TMEM132D: variants seen among roughly 807,000 people sequenced by gnomAD.
TMEM132D encodes transmembrane protein 132D.
TMEM132D carries 21 observed loss-of-function variants against 62.3 expected under a neutral mutation model. The observed-to-expected ratio is 0.34, with a 90% CI of 0.24 to 0.49. TMEM132D has a LOEUF of 0.49. Ranked by LOEUF, TMEM132D falls within the 20% of genes least tolerant of loss-of-function variation. The pLI is 0.99. For missense variants in TMEM132D, 1,346 were observed against 1,402.8 expected (o/e 0.96, Z 0.65); for synonymous variants, 621 against 575.6 (o/e 1.08, Z -1.13).
intron 7 of TMEM132D, among the ~76,000 whole-genome samples, chr12:129,080,453 C>T (rs1356294114): frequency 1.3e-5 from 2 of 152,188 alleles, no homozygotes. Flanking sequence ...GCATGCGACT[C>T]CTGGTCTACG....
chr12:129,655,985 TCAA>T, intron 2 of TMEM132D, among the ~76,000 whole-genome samples: 1 of 152,168 alleles, frequency 6.6e-6, no homozygotes. Flanking sequence ...CTTCCAGGCG[TCAA>T]CGTTACTAGA....
intron 5 of TMEM132D, among the ~76,000 whole-genome samples, chr12:129,122,089 T>C (rs1165837305): frequency 6.6e-6 from 1 of 152,208 alleles, no homozygotes; most frequent in Non-Finnish European, 1.5e-5. Context: ...TGCAGAGCGA[T>C]GCTGGGTGAC....
At chr12:129,250,546 C>A (rs1880237800) in intron 4 of TMEM132D, among the ~76,000 whole-genome samples, 1 of 152,190 alleles carries the variant, frequency 6.6e-6, no homozygotes, top group Middle Eastern at 3.2e-3. Flanking sequence ...AACCAGAACA[C>A]CCCTGTGCGT....
intron 4 of TMEM132D, among the ~76,000 whole-genome samples, chr12:129,260,129 G>T (rs1456671282): frequency 2.0e-5 from 3 of 152,150 alleles, no homozygotes; most frequent in Non-Finnish European, 4.4e-5. Flanking sequence ...ACAGAGGCTT[G>T]GGACACTCTA....
At chr12:129,330,077 A>G (rs749506807) in intron 4 of TMEM132D, among the ~76,000 whole-genome samples, 16 of 152,174 alleles carry the variant, frequency 1.1e-4, no homozygotes, top group Non-Finnish European at 1.9e-4. Flanking sequence ...AATCGAGAAG[A>G]TTTAGGAAGA....
intron 1 of TMEM132D, among the ~76,000 whole-genome samples, chr12:129,838,795 T>A (rs555410710): frequency 6.6e-6 from 1 of 152,256 alleles, no homozygotes; most frequent in East Asian, 1.9e-4. Flanking sequence ...ATTAAAAGAC[T>A]AATGAGATAT....
chr12:129,321,562 C>G (rs145285623), intron 4 of TMEM132D, among the ~76,000 whole-genome samples: 343 of 145,912 alleles, frequency 2.4e-3, no homozygotes, highest in African/African-American at 7.9e-3. Context: ...CAGATCTTTT[C>G]TTTTTTTTTT....
intron 4 of TMEM132D, among the ~76,000 whole-genome samples, chr12:129,241,143 C>T (rs10744406): frequency 0.44 from 59,908 of 135,480 alleles, 13,448 homozygotes; most frequent in Admixed American, 0.5. Flanking sequence ...CTTCAGCCCT[C>T]TTACCTCAAA....
chr12:129,466,821 G>A (rs1174065944), intron 3 of TMEM132D, among the ~76,000 whole-genome samples: 3 of 152,032 alleles, frequency 2.0e-5, no homozygotes, highest in African/African-American at 7.2e-5. Flanking sequence ...GCTTGTTTCC[G>A]GAGCTCATCT....
intron 2 of TMEM132D, among the ~76,000 whole-genome samples, chr12:129,609,760 C>G (rs1421429802): frequency 6.6e-6 from 1 of 152,204 alleles, no homozygotes; most frequent in African/African-American, 2.4e-5. Context: ...CTGTATGCTG[C>G]CCTGGACAGC....
chr12:129,484,023 G>A (rs1874507947), intron 3 of TMEM132D, among the ~76,000 whole-genome samples: 1 of 152,082 alleles, frequency 6.6e-6, no homozygotes, highest in Non-Finnish European at 1.5e-5. Flanking sequence ...AGGCTGGAGT[G>A]CCATGGCGTG....
At chr12:129,082,515 A>G (rs1874486891) in intron 6 of TMEM132D, among the ~76,000 whole-genome samples, 1 of 152,170 alleles carries the variant, frequency 6.6e-6, no homozygotes, top group Non-Finnish European at 1.5e-5. Context: ...CCCAGCTAGA[A>G]GCTGAGAGTG....
rs1875166706 is a variant in TMEM132D, at chr12:129,897,116, T to G, written c.79+6145A>C. On this transcript the variant is annotated intron_variant, in intron 1 of 8. Coordinates refer to ENST00000422113, the MANE Select transcript of TMEM132D (RefSeq NM_133448.3). ...CCTTAATTCTTCCTACAGCAGATTT[T>G]TCTTTTAAATAAATGACAAAGTCAT... is the stretch of plus-strand genomic sequence containing the variant. Among the ~76,000 whole-genome samples, 3 of 152,228 alleles carry G rather than the reference T, an allele frequency of 2.0e-5. No homozygotes were observed. In the South Asian group the frequency reaches 6.2e-4, roughly 32 times the overall value.
intron 3 of TMEM132D, among the ~76,000 whole-genome samples, chr12:129,513,848 ATTTT>A (rs563785171): frequency 1.4e-4 from 16 of 112,780 alleles, no homozygotes; most frequent in African/African-American, 3.1e-4. Context: ...TTATTTATTT[ATTTT>A]TTTGAGACGG....
intron 3 of TMEM132D, among the ~76,000 whole-genome samples, chr12:129,339,065 G>A (rs560146934): frequency 6.4e-4 from 98 of 152,274 alleles, no homozygotes; most frequent in African/African-American, 2.2e-3. Flanking sequence ...GAAGTCAGGA[G>A]TTTGAGACCA....
chr12:129,145,455 G>T (rs1319804197), intron 5 of TMEM132D, among the ~76,000 whole-genome samples: 1 of 152,034 alleles, frequency 6.6e-6, no homozygotes, highest in Non-Finnish European at 1.5e-5. Context: ...GAGAGGCCAC[G>T]GACTTCTGTC....
chr12:129,357,398 C>A (rs542548088), intron 3 of TMEM132D, among the ~76,000 whole-genome samples: 26 of 117,346 alleles, frequency 2.2e-4, no homozygotes, highest in African/African-American at 4.0e-4. Flanking sequence ...AAGGAAGGAA[C>A]GAAGGAAGGA....
intron 2 of TMEM132D, among the ~76,000 whole-genome samples, chr12:129,663,526 T>C (rs1314636036): frequency 6.6e-6 from 1 of 152,184 alleles, no homozygotes; most frequent in Non-Finnish European, 1.5e-5. Context: ...ACATATTGAA[T>C]CATGCAGTCA....
At chr12:129,338,676 A>G (rs916996723) in intron 3 of TMEM132D, among the ~76,000 whole-genome samples, 3 of 152,240 alleles carry the variant, frequency 2.0e-5, no homozygotes, top group Non-Finnish European at 2.9e-5. Context: ...TTAAAGCCTC[A>G]GTGGCCAAAC....
Sources: allele counts gnomAD v4.1 joint callset (sites outside exome capture counted in the v4.1 genomes callset), GRCh38; gene constraint gnomAD v4.1.1; transcripts MANE v1.5; gene names NCBI Gene and HGNC (gene_info 2026-07-23, HGNC 2026-07-21).